Variants in MYOF observed in about 807,000 individuals in gnomAD.
MYOF encodes fer-1-like 3, myoferlin.
MYOF carries 244 observed loss-of-function variants against 284.2 expected under a neutral mutation model. The observed-to-expected ratio is 0.86, with a 90% confidence interval of 0.77 to 0.95. The LOEUF (loss-of-function observed/expected upper bound fraction) is 0.95. Ranked by LOEUF, MYOF falls within the 40% of genes least tolerant of loss-of-function variation. MYOF has a pLI of 0.00. For synonymous variants in MYOF, 904 were observed against 919.7 expected, an observed-to-expected ratio of 0.98 and a Z score of 0.31; for missense variants, 2,496 against 2,560.6, an observed-to-expected ratio of 0.97 and a Z score of 0.54.
At chr10:93,447,924 C>G (rs1027744041) in intron 3 of MYOF, among the ~76,000 whole-genome samples, 1 of 152,160 alleles carries the variant, frequency 6.6e-6, no homozygotes, top group African/African-American at 2.4e-5. Flanking sequence ...CCTCCAGTCT[C>G]TACACAGAAA....
chr10:93,464,886 C>G (rs1398809079), intron 1 of MYOF, among the ~76,000 whole-genome samples: 4 of 152,212 alleles, frequency 2.6e-5, no homozygotes, highest in Non-Finnish European at 4.4e-5. Context: ...TTCAGAAGTA[C>G]TTCTTCCCCT....
Position 93,347,694 on chromosome 10 carries a change from T to C in MYOF, c.4172A>G (p.Gln1391Arg). The C allele has an allele frequency of 6.2e-7, 1 of 1,614,144 alleles. No homozygotes were observed. The highest frequency in any genetic ancestry group is 8.5e-7 in the Non-Finnish European group (1 of 1,180,038). ...GCGGTCCAGGCGCTCGATGGTGCAC[T>C]GGCCGACGACAGGCTTCCGCCCAAA... ...RQFGRKPVVG[Q>R]CTIERLDRFR... Residue 1391 changes from glutamine to arginine, a missense_variant, in exon 37 of 54, where the codon CAG becomes CGG. This residue lies in a region of MYOF where 2,436 missense variants were observed against 2,480.7 expected (regional missense o/e 0.98). Transcript: ENST00000359263.
Position 93,313,017 on chromosome 10 carries a change from T to C in MYOF, c.5889+3A>G. 3 of 1,602,644 alleles carry C rather than the reference T, an allele frequency of 1.9e-6. No homozygotes were observed. The highest frequency in any genetic ancestry group is 1.9e-4 in the Middle Eastern group (1 of 5,132). On this transcript the variant is annotated splice_donor_region_variant and intron_variant, in intron 51 of 53. Coordinates refer to ENST00000359263, the MANE Select transcript of MYOF (RefSeq NM_013451.4). Reference sequence around the variant, plus strand: ...TTCAACCAGAACCAGGAAATGTTCATACAGCCATTACGCGGGCGCCATCTT... The same window carrying C: ...TTCAACCAGAACCAGGAAATGTTCACACAGCCATTACGCGGGCGCCATCTT...
At chr10:93,453,327 T>C (rs1380437305) in intron 2 of MYOF, among the ~76,000 whole-genome samples, 1 of 152,054 alleles carries the variant, frequency 6.6e-6, no homozygotes, top group African/African-American at 2.4e-5. Flanking sequence ...CACCATGCCC[T>C]GCTAATTTGT....
intron 37 of MYOF, among the ~76,000 whole-genome samples, chr10:93,345,167 G>A (rs1299892628): frequency 6.6e-6 from 1 of 152,176 alleles, no homozygotes; most frequent in Non-Finnish European, 1.5e-5. Flanking sequence ...CATAAAGGAG[G>A]AGAAACAACA....
chr10:93,423,919 G>GA, intron 5 of MYOF, among the ~76,000 whole-genome samples: 1 of 151,990 alleles, frequency 6.6e-6, no homozygotes, highest in Non-Finnish European at 1.5e-5. Flanking sequence ...TCCTAGAGGG[G>GA]AAAAAAGCAA....
At chr10:93,458,686 T>C (rs2056803362) in intron 1 of MYOF, among the ~76,000 whole-genome samples, 1 of 151,914 alleles carries the variant, frequency 6.6e-6, no homozygotes, top group Non-Finnish European at 1.5e-5. Context: ...GCCGAGATCG[T>C]GTCACTGCAC....
chr10:93,443,310 C>T (rs537762392), intron 3 of MYOF, among the ~76,000 whole-genome samples: 2 of 152,266 alleles, frequency 1.3e-5, no homozygotes, highest in African/African-American at 4.8e-5. Context: ...GTGTTTCCCC[C>T]GGTTGGCGGG....
chr10:93,354,751 C>T (rs1212321738), intron 31 of MYOF, among the ~76,000 whole-genome samples: 2 of 149,140 alleles, frequency 1.3e-5, no homozygotes, highest in Non-Finnish European at 3.0e-5. Flanking sequence ...TCTGGGAGCT[C>T]TACTACCTGA....
At chr10:93,379,117 A>G (rs1564665147) in intron 21 of MYOF, among the ~76,000 whole-genome samples, 1 of 152,094 alleles carries the variant, frequency 6.6e-6, no homozygotes, top group African/African-American at 2.4e-5. Context: ...ATAATCACAG[A>G]TATCATATGT....
intron 27 of MYOF, among the ~76,000 whole-genome samples, chr10:93,363,724 A>G (rs1031108360): frequency 5.9e-5 from 9 of 152,242 alleles, no homozygotes; most frequent in African/African-American, 1.9e-4. Context: ...TACCTAAAAA[A>G]TTTGCACAAT....
intron 3 of MYOF, among the ~76,000 whole-genome samples, chr10:93,449,798 T>C (rs1028295394): frequency 1.3e-5 from 2 of 152,016 alleles, no homozygotes; most frequent in East Asian, 1.9e-4. Context: ...GCCCAGAATG[T>C]ATTTATATAG....
At chr10:93,406,187 G>A (rs532642557) in intron 7 of MYOF, among the ~76,000 whole-genome samples, 1 of 148,844 alleles carries the variant, frequency 6.7e-6, no homozygotes, top group African/African-American at 2.4e-5. Flanking sequence ...TTGAACTCCT[G>A]ATCTCCAATG....
At chr10:93,373,960 A>G (rs1330813362) in intron 23 of MYOF, among the ~76,000 whole-genome samples, 1 of 152,162 alleles carries the variant, frequency 6.6e-6, no homozygotes, top group Non-Finnish European at 1.5e-5. Flanking sequence ...TGCTGCACCC[A>G]TCAACTCATC....
Position 93,325,293 on chromosome 10 carries a change from C to A in MYOF, c.5271+533G>T, listed in dbSNP as rs144577536. Among the ~76,000 whole-genome samples, 632 of 152,272 alleles carry A rather than the reference C, an allele frequency of 4.2e-3. 4 individuals are homozygous for A. Among genetic ancestry groups the A allele is most frequent in the African/African-American group, 0.015 (608 of 41,560 alleles). On this transcript the variant is annotated intron_variant, in intron 46 of 53. Transcript: ENST00000359263. ...TCTCCATCTTCTGGAGTGGAATGTCCCCCATTGCTATCCACATGGTCCTCG... is the reference window on the plus strand; with the variant it reads ...TCTCCATCTTCTGGAGTGGAATGTCACCCATTGCTATCCACATGGTCCTCG...
intron 48 of MYOF, among the ~76,000 whole-genome samples, chr10:93,322,637 G>A (rs900024990): frequency 4.6e-5 from 7 of 152,204 alleles, no homozygotes; most frequent in South Asian, 2.1e-4. Context: ...TGAAATCTGC[G>A]AACATTTCCT....
chr10:93,331,697 G>A (rs1035040268), intron 43 of MYOF, among the ~76,000 whole-genome samples: 21 of 148,872 alleles, frequency 1.4e-4, no homozygotes, highest in Non-Finnish European at 1.4e-4. Context: ...TGCAGCATGC[G>A]GGGGGCGTAG....
At chr10:93,346,506 A>G (rs1844190413) in intron 37 of MYOF, among the ~76,000 whole-genome samples, 2 of 152,280 alleles carry the variant, frequency 1.3e-5, no homozygotes, top group Admixed American at 1.3e-4. Flanking sequence ...CACAGTCCCT[A>G]GCACATGGTA....
intron 3 of MYOF, among the ~76,000 whole-genome samples, chr10:93,437,764 C>T (rs1000709065): frequency 6.6e-6 from 1 of 152,168 alleles, no homozygotes; most frequent in Admixed American, 6.5e-5. Context: ...GCCTATGGCC[C>T]TGGGGTTCCA....
Sources: allele counts gnomAD v4.1 joint callset (sites outside exome capture counted in the v4.1 genomes callset), GRCh38; gene constraint gnomAD v4.1.1; regional missense constraint gnomAD v4.1.1; transcripts MANE v1.5; gene names NCBI Gene and HGNC (gene_info 2026-07-23, HGNC 2026-07-21).